Variants in ACER2 observed in about 807,000 individuals in gnomAD.
ACER2 encodes alkaline ceramidase 2.
A neutral mutation model predicts 34.7 loss-of-function variants in ACER2; 26 were observed. The ratio of observed to expected loss-of-function variants is 0.75; its 90% confidence interval spans 0.55 to 1.04. ACER2 has a LOEUF of 1.04. ACER2 is among the 50% of genes least tolerant of loss of function. The pLI, the probability that ACER2 is intolerant of heterozygous loss-of-function variation, is 0.00. For synonymous variants in ACER2, 138 were observed against 132.1 expected (o/e 1.04, Z -0.31); for missense variants, 352 against 340.8 (o/e 1.03, Z -0.26).
rs1478024445 is a variant in ACER2 at position 19,452,043 on chromosome 9, A to G, written c.*1407A>G. The G allele has an allele frequency of 6.6e-6, 1 of 152,594 alleles. No individual in the cohort carries two copies. Among genetic ancestry groups the G allele is most frequent in the Non-Finnish European group, 1.5e-5 (1 of 68,040 alleles). 9.5% of individuals were successfully genotyped at this position (152,594 alleles called of 1,614,324 possible). On this transcript the variant is annotated 3_prime_UTR_variant, in exon 6 of 6. Coordinates refer to ENST00000340967, the MANE Select transcript of ACER2 (RefSeq NM_001010887.3). ...GTTGCCTTCTGAATTTTTCTCACCT[A>G]ATGTGACACTGGCTACAATGAATCT...
At chr9:19,440,107 G>T (rs1292567197) in intron 4 of ACER2, among the ~76,000 whole-genome samples, 1 of 151,920 alleles carries the variant, frequency 6.6e-6, no homozygotes, top group Non-Finnish European at 1.5e-5. Context: ...TCAGTTTTCA[G>T]ACCCCCCTGT....
intron 4 of ACER2, among the ~76,000 whole-genome samples, chr9:19,438,753 T>C (rs1251413776): frequency 2.6e-5 from 4 of 152,212 alleles, no homozygotes; most frequent in African/African-American, 9.6e-5. Flanking sequence ...AATTTTGTTA[T>C]AAGAAAAGGG....
chr9:19,437,295 C>T (rs532182363), intron 4 of ACER2, among the ~76,000 whole-genome samples: 1 of 152,184 alleles, frequency 6.6e-6, no homozygotes, highest in East Asian at 1.9e-4. Context: ...CAAATTCTGT[C>T]TTAGAGTCCC....
intron 4 of ACER2, among the ~76,000 whole-genome samples, chr9:19,445,294 A>T (rs772681070): frequency 2.6e-5 from 4 of 152,228 alleles, no homozygotes; most frequent in Non-Finnish European, 5.9e-5. Flanking sequence ...GTGTGTAAGA[A>T]GTTATTCCTT....
At chr9:19,414,874 G>A (rs148633712) in intron 1 of ACER2, among the ~76,000 whole-genome samples, 286 of 150,760 alleles carry the variant, frequency 1.9e-3, no homozygotes, top group Non-Finnish European at 2.7e-3. Flanking sequence ...TGTAGCCCTT[G>A]AGTGCACTAT....
In ACER2 at chr9:19,409,300, T is replaced by C. The variant is rs1033198121; in HGVS notation, c.108+108T>C. The C allele has an allele frequency of 3.7e-6, 4 of 1,089,470 alleles. No individual in the cohort carries two copies. In the African/African-American group the frequency reaches 6.3e-5, roughly 17 times the overall value. 67.5% of individuals were successfully genotyped at this position (1,089,470 alleles called of 1,614,324 possible). A position where few individuals can be genotyped will look rare whatever the true frequency, so the allele number is the denominator to read the frequency against. ...GGGTCTCTGCGCGCATCTGGGGGCA[T>C]TCTCTCCAGGGGCTGAGTCAGTCCA... On this transcript the variant is annotated intron_variant, in intron 1 of 5. Transcript: ENST00000340967.
At chr9:19,434,158 C>G (rs1301003422) in intron 3 of ACER2, among the ~76,000 whole-genome samples, 1 of 148,932 alleles carries the variant, frequency 6.7e-6, no homozygotes, top group Admixed American at 6.7e-5. Flanking sequence ...GAGGCGCTCC[C>G]CACATCCCAG....
intron 1 of ACER2, among the ~76,000 whole-genome samples, chr9:19,413,636 C>G (rs1830155309): frequency 6.6e-6 from 1 of 151,892 alleles, no homozygotes; most frequent in Admixed American, 6.6e-5. Flanking sequence ...ATTTAAGGCC[C>G]CAGTCACATA....
intron 1 of ACER2, among the ~76,000 whole-genome samples, chr9:19,417,523 A>C (rs1009309522): frequency 6.6e-6 from 1 of 152,258 alleles, no homozygotes; most frequent in Non-Finnish European, 1.5e-5. Context: ...ATAGATATAT[A>C]GACCAATGGA....
rs970004586 is a variant in ACER2, at chr9:19,451,947, C to T, written c.*1311C>T. ...TTTCCCAGAGTATCCAACGGCTCAC[C>T]TTTCTCAAGTGCTGGCAGTAGCTAT... On this transcript the variant is annotated 3_prime_UTR_variant, in exon 6 of 6. Coordinates refer to ENST00000340967, the MANE Select transcript of ACER2 (RefSeq NM_001010887.3). 1.7e-5 allele frequency: 2 copies of T among 116,542 alleles called. No homozygotes were observed. Among genetic ancestry groups the T allele is most frequent in the African/African-American group, 2.6e-5 (1 of 37,814 alleles). The allele number at this position is 116,542 out of a possible 1,614,324, so 7.2% of individuals were successfully genotyped here. A position where few individuals can be genotyped will look rare whatever the true frequency, so the allele number is the denominator to read the frequency against.
At chr9:19,416,374 G>A (rs942682445) in intron 1 of ACER2, among the ~76,000 whole-genome samples, 2 of 152,156 alleles carry the variant, frequency 1.3e-5, no homozygotes, top group Non-Finnish European at 2.9e-5. Context: ...GAATGTGGTT[G>A]AATGAGTTGG....
intron 1 of ACER2, among the ~76,000 whole-genome samples, chr9:19,410,452 G>A (rs1453253742): frequency 6.6e-6 from 1 of 152,172 alleles, no homozygotes; most frequent in Non-Finnish European, 1.5e-5. Flanking sequence ...GCTCACACCT[G>A]TATTCCTAGC....
At position 19,435,123 on chromosome 9, in the gene ACER2, G is replaced by A. The variant is rs368424569; in HGVS notation, c.503+39G>A. 3.8e-5 allele frequency: 62 copies of A among 1,610,758 alleles called. 1 individual carries two copies. The African/African-American group carries it at 4.7e-4, about 12-fold the overall frequency. On this transcript the variant is annotated intron_variant, in intron 4 of 5. Transcript: ENST00000340967. ...TTCCTGCCTACCCTTAGCTGTCCCC[G>A]TGCTGGGAACACACCAGTTCGGGGC...
chr9:19,448,957 G>A (rs908146042), intron 5 of ACER2, among the ~76,000 whole-genome samples: 7 of 152,054 alleles, frequency 4.6e-5, no homozygotes, highest in Admixed American at 1.3e-4. Context: ...TGGCTAACAC[G>A]GTGAAACCCC....
At chr9:19,409,938 C>G in intron 1 of ACER2, 1 of 985,278 alleles carries the variant, frequency 1.0e-6, no homozygotes, top group Non-Finnish European at 1.2e-6. Flanking sequence ...ATTGCAGAAT[C>G]CTGTGTGATT....
intron 3 of ACER2, among the ~76,000 whole-genome samples, chr9:19,426,411 C>T (rs1435779620): frequency 6.8e-6 from 1 of 147,288 alleles, no homozygotes; most frequent in African/African-American, 2.5e-5. Flanking sequence ...CCTTCCCCTC[C>T]TTTCCCCTCC....
intron 2 of ACER2, 191 bp from the exon 3 acceptor site, chr9:19,424,509 T>G (rs952940407): frequency 1.0e-6 from 1 of 985,356 alleles, no homozygotes; most frequent in East Asian, 1.1e-4. Context: ...GGGCCCTAGT[T>G]GAAATCTTCT....
chr9:19,430,538 C>G (rs958204234), intron 3 of ACER2, among the ~76,000 whole-genome samples: 1 of 152,198 alleles, frequency 6.6e-6, no homozygotes, highest in African/African-American at 2.4e-5. Flanking sequence ...TTTCTGCTGG[C>G]CACATAGCCT....
chr9:19,414,217 A>G (rs879555908), intron 1 of ACER2, among the ~76,000 whole-genome samples: 8 of 152,234 alleles, frequency 5.3e-5, no homozygotes, highest in Non-Finnish European at 1.0e-4. Flanking sequence ...TCCCAGGGGC[A>G]GAAGTAAAAC....
Sources: gnomAD v4.1 joint callset for allele counts (sites outside exome capture counted in the v4.1 genomes callset) on GRCh38, gnomAD v4.1.1 for gene constraint, MANE v1.5 for transcripts, NCBI Gene and HGNC (gene_info 2026-07-23, HGNC 2026-07-21) for gene names.